ZNF577: variants seen among roughly 807,000 people sequenced by gnomAD.
ZNF577 encodes zinc finger protein 577.
In ZNF577, 14 loss-of-function variants were observed where a neutral mutation model predicts 13.9. The observed-to-expected ratio is 1.00, with a 90% confidence interval of 0.66 to 1.57. The LOEUF (loss-of-function observed/expected upper bound fraction) is 1.57, where lower values mean the gene tolerates loss of function less well. Ranked by LOEUF, ZNF577 falls within the 40% of genes most tolerant of loss-of-function variation. ZNF577 has a pLI of 0.00. For missense variants in ZNF577, 555 were observed against 579.2 expected, an observed-to-expected ratio of 0.96 and a Z score of 0.43; for synonymous variants, 203 against 202.9, an observed-to-expected ratio of 1.00 and a Z score of 0.00.
At chr19:51,864,206 C>A (rs10406984), downstream of ZNF577, among the ~76,000 whole-genome samples, 4,171 of 152,214 alleles carry the variant, frequency 0.027, 206 homozygotes, top group African/African-American at 0.094. Context: ...ATTTTTTAGA[C>A]CATAATTTAG....
At chr19:51,817,912 C>A (rs998263792) in intron 9 of ZNF577, 1 of 152,190 alleles carries the variant, frequency 6.6e-6, no homozygotes, top group Admixed American at 6.5e-5. Context: ...AACTCTGGAG[C>A]AGGGCTGTGC....
In ZNF577 at chr19:51,867,612, A is replaced by T. The variant is rs1258619867; in HGVS notation, c.*4920T>A. On this transcript the variant is annotated 3_prime_UTR_variant, in exon 6 of 6. Transcript: ENST00000638348. ...ACATGATGAAACCCCGTCTCTACTA[A>T]AAATACAAAAAAAAAAAAAAAAATT... Among the ~76,000 whole-genome samples, 1 of 145,978 alleles carries T rather than the reference A, an allele frequency of 6.9e-6. No individual in the cohort carries two copies. The highest frequency in any genetic ancestry group is 2.3e-4 in the South Asian group (1 of 4,366).
chr19:51,836,595 T>C (rs946660208), intron 9 of ZNF577, among the ~76,000 whole-genome samples: 13 of 152,218 alleles, frequency 8.5e-5, no homozygotes, highest in South Asian at 2.1e-4. Context: ...CATTTTCAGA[T>C]GAACATTCAT....
intron 1 of ZNF577, among the ~76,000 whole-genome samples, chr19:51,885,163 C>T (rs1191601698): frequency 6.6e-6 from 1 of 152,146 alleles, no homozygotes; most frequent in African/African-American, 2.4e-5. Flanking sequence ...GGGGTTGGGA[C>T]TATTGTGGGT....
rs1568433587 is a variant in ZNF577, at chr19:51,824,857, C to CA, written c.*600-13184_*600-13183insT. The CA allele has an allele frequency of 7.0e-7, 1 of 1,430,716 alleles. No individual in the cohort carries two copies. Among genetic ancestry groups the CA allele is most frequent in the Non-Finnish European group, 9.4e-7 (1 of 1,064,598 alleles). The allele number at this position is 1,430,716 out of a possible 1,614,324, so 88.6% of individuals were successfully genotyped here. A position where few individuals can be genotyped will look rare whatever the true frequency, so the allele number is the denominator to read the frequency against. On this transcript the variant is annotated intron_variant and NMD_transcript_variant, in intron 9 of 10. Coordinates refer to the ZNF577 transcript ENST00000638827. This position sits in a 1 kb window ranked among gnomAD's most constrained non-coding sequence, Gnocchi z 4.7. ...CTGTCTCTTTCTACCCTGCGTTAAG[C>CA]GGAAAAAAAAAATTCTGACAGTGTT...
At chr19:51,864,922 C>T (rs576309316), downstream of ZNF577, among the ~76,000 whole-genome samples, 16 of 152,266 alleles carry the variant, frequency 1.1e-4, no homozygotes, top group African/African-American at 2.9e-4. Flanking sequence ...CCATCCATCA[C>T]GCTCAAACAA....
chr19:51,879,029 G>A (rs1381301757), intron 3 of ZNF577, among the ~76,000 whole-genome samples: 1 of 150,602 alleles, frequency 6.6e-6, no homozygotes, highest in East Asian at 2.0e-4. Flanking sequence ...AGGCCGAGGT[G>A]GGCAGATCAC....
At chr19:51,836,327 AAC>A (rs953677296) in intron 9 of ZNF577, among the ~76,000 whole-genome samples, 13 of 151,516 alleles carry the variant, frequency 8.6e-5, no homozygotes, top group African/African-American at 3.2e-4. Flanking sequence ...AGGTGGTAAA[AAC>A]AGTGTGAAAT....
intron 1 of ZNF577, chr19:51,886,230 T>G (rs1449987174): frequency 6.6e-6 from 1 of 152,186 alleles, no homozygotes; most frequent in Non-Finnish European, 1.5e-5. Flanking sequence ...CCAATTTCTC[T>G]TATAAATGTA....
At chr19:51,848,513 G>A (rs1483978048) in intron 5 of ZNF577, among the ~76,000 whole-genome samples, 1 of 152,198 alleles carries the variant, frequency 6.6e-6, no homozygotes, top group African/African-American at 2.4e-5. Context: ...ATGGAGATTA[G>A]GAGACCTAGA....
In ZNF577 at chr19:51,824,411, T is replaced by C. The variant is rs745838564; in HGVS notation, c.*600-12737A>G. 4 of 1,614,128 alleles carry C rather than the reference T, an allele frequency of 2.5e-6. No individual in the cohort carries two copies. In the Admixed American group the frequency reaches 6.7e-5, roughly 27 times the overall value. On this transcript the variant is annotated intron_variant and NMD_transcript_variant, in intron 9 of 10. Transcript: ENST00000638827. The surrounding 1 kb of genome is among the most constrained non-coding windows in gnomAD (Gnocchi z 4.7). The stretch of plus-strand genomic sequence containing the variant: ...CTATGTCCATCATCACAGTCTGCTA[T>C]GGGATCATCGCTGCCAAAATTCACA...
intron 9 of ZNF577, chr19:51,817,655 T>A (rs2084149537): frequency 6.6e-6 from 1 of 152,216 alleles, no homozygotes; most frequent in African/African-American, 2.4e-5. Flanking sequence ...TCTGTTCTAC[T>A]CATCAATACA....
rs1161063712 is a variant in ZNF577 at position 51,822,963 on chromosome 19, A to C, written c.*600-11289T>G. Among the ~76,000 whole-genome samples the C allele has an allele frequency of 2.6e-5, 4 of 152,114 alleles. No individual in the cohort carries two copies. The East Asian group carries it at 7.7e-4, about 29-fold the overall frequency. ...CTGCAACCTCTGCCTCCCAGGTTCA[A>C]GCAATTCTCCTGCCTCAGCCTCCTA... is the stretch of plus-strand genomic sequence containing the variant. On this transcript the variant is annotated intron_variant and NMD_transcript_variant, in intron 9 of 10. Transcript: ENST00000638827.
intron 9 of ZNF577, among the ~76,000 whole-genome samples, chr19:51,817,017 C>T (rs903112856): frequency 1.3e-5 from 2 of 152,176 alleles, no homozygotes; most frequent in Non-Finnish European, 2.9e-5. Flanking sequence ...AGGGCCTGGA[C>T]TCTCATATTC....
Position 51,824,439 on chromosome 19 carries a change from A to C in ZNF577, c.*600-12765T>G. On this transcript the variant is annotated intron_variant and NMD_transcript_variant, in intron 9 of 10. Coordinates refer to the ZNF577 transcript ENST00000638827. This position sits in a 1 kb window ranked among gnomAD's most constrained non-coding sequence, Gnocchi z 4.7. ...GATCATCGCTGCCAAAATTCACAGA[A>C]ACCACATGATTAAATCCAGCCGTCC... 1 of 1,614,070 alleles carries C rather than the reference A, an allele frequency of 6.2e-7. No individual in the cohort carries two copies. Among genetic ancestry groups the C allele is most frequent in the Non-Finnish European group, 8.5e-7 (1 of 1,180,000 alleles).
chr19:51,833,936 ATAC>A (rs943979717), intron 9 of ZNF577, among the ~76,000 whole-genome samples: 4 of 152,232 alleles, frequency 2.6e-5, no homozygotes, highest in Non-Finnish European at 4.4e-5. Context: ...TGATACATGC[ATAC>A]AATGTGTATA....
At chr19:51,886,300 C>T (rs1243401475) in intron 1 of ZNF577, 2 of 152,054 alleles carry the variant, frequency 1.3e-5, no homozygotes, top group South Asian at 2.1e-4. Context: ...GAACAGTATA[C>T]TCAAATTCCA....
In ZNF577 at chr19:51,887,255, C is replaced by T. The variant is rs1158357821; in HGVS notation, c.-653G>A. 2 of 152,130 alleles carry T rather than the reference C, an allele frequency of 1.3e-5. No homozygotes were observed. Among genetic ancestry groups the T allele is most frequent in the African/African-American group, 4.8e-5 (2 of 41,424 alleles). The allele number at this position is 152,130 out of a possible 1,614,324, so 9.4% of individuals were successfully genotyped here. A position where few individuals can be genotyped will look rare whatever the true frequency, so the allele number is the denominator to read the frequency against. ...AATTCTACCCAAATTAAAGCAACCACTTGATGAAACTGCAGCAATTTAAAA... is the reference window on the plus strand; with the variant it reads ...AATTCTACCCAAATTAAAGCAACCATTTGATGAAACTGCAGCAATTTAAAA... On this transcript the variant is annotated 5_prime_UTR_variant, in exon 1 of 6. The change creates a new upstream start codon in the 5' untranslated region. Coordinates refer to ENST00000638348, the MANE Select transcript of ZNF577 (RefSeq NM_001370449.1).
downstream of ZNF577, chr19:51,862,143 T>A (rs1043306770): frequency 6.6e-6 from 1 of 152,352 alleles, no homozygotes; most frequent in Non-Finnish European, 1.5e-5. Context: ...AGCATTCATA[T>A]GATTTATTTC....
Sources: allele counts gnomAD v4.1 joint callset (sites outside exome capture counted in the v4.1 genomes callset), GRCh38; gene constraint gnomAD v4.1.1; non-coding constraint Gnocchi (gnomAD v3.1); transcripts MANE v1.5; gene names NCBI Gene and HGNC (gene_info 2026-07-23, HGNC 2026-07-21).